The following TMEM200C variants were observed in gnomAD, a reference collection of about 807,000 sequenced individuals.
The protein encoded by TMEM200C is transmembrane protein TTMA.
For missense variants in TMEM200C, 966 were observed against 699.9 expected (o/e 1.38, Z -4.29); for synonymous variants, 462 against 324.7 (o/e 1.42, Z -4.55).
rs1469356877 is a variant in TMEM200C at position 5,891,035 on chromosome 18, G to A, written c.1029C>T (p.Ala343=). 1 of 556,400 alleles carries A rather than the reference G, an allele frequency of 1.8e-6. No homozygotes were observed. The highest frequency in any genetic ancestry group is 3.1e-6 in the Non-Finnish European group (1 of 321,144). The allele number at this position is 556,400 out of a possible 1,614,324, so 34.5% of individuals were successfully genotyped here. A position where few individuals can be genotyped will look rare whatever the true frequency, so the allele number is the denominator to read the frequency against. Residue 343 remains alanine (A), a synonymous_variant, in exon 3 of 3, where the codon GCC becomes GCT. Transcript: ENST00000581347. The surrounding 1 kb of genome is among the most constrained non-coding windows in gnomAD (Gnocchi z 4.7). Reference sequence around the variant, plus strand: ...TGCTGCAGCTGCTAGCGGCTGCGGCGGCGGTGGCAGCGGCGGCCCGGCGAC... The same window carrying A: ...TGCTGCAGCTGCTAGCGGCTGCGGCAGCGGTGGCAGCGGCGGCCCGGCGAC...
chr18:5,890,594 C>T (rs765902997), exon 3 of TMEM200C: 3 of 1,047,554 alleles, frequency 2.9e-6, no homozygotes, highest in South Asian at 6.1e-5. Flanking sequence ...CCGCACTCCC[C>T]GGGGAGGGCG....
At chr18:5,888,004 A>T (rs1390335786) in exon 3 of TMEM200C, 1 of 152,208 alleles carries the variant, frequency 6.6e-6, no homozygotes, top group Admixed American at 6.5e-5. Context: ...TATTAGCTTT[A>T]TTATTTGCTA....
chr18:5,888,624 A>G (rs1010784708), exon 3 of TMEM200C: 30 of 152,188 alleles, frequency 2.0e-4, no homozygotes, highest in African/African-American at 7.2e-4. Context: ...GACTTTCTTG[A>G]GCTCAAGTTC....
At chr18:5,893,128 A>G (rs2095172826) in intron 2 of TMEM200C, among the ~76,000 whole-genome samples, 1 of 152,214 alleles carries the variant, frequency 6.6e-6, no homozygotes, top group South Asian at 2.1e-4. Flanking sequence ...CAATTAAAAA[A>G]ACTAACACTC....
chr18:5,885,171 CCTAT>C (rs1179250574), exon 3 of TMEM200C: 6 of 152,162 alleles, frequency 3.9e-5, no homozygotes, highest in Non-Finnish European at 5.9e-5. Flanking sequence ...GTGATTCTGG[CCTAT>C]CTTTTTTTTT....
chr18:5,890,484 G>T lies in TMEM200C; in HGVS notation c.1580C>A (p.Ser527Ter), dbSNP rs866868014. The T allele has an allele frequency of 6.4e-7, 1 of 1,553,414 alleles. No homozygotes were observed. Among genetic ancestry groups the T allele is most frequent in the Non-Finnish European group, 8.7e-7 (1 of 1,148,578 alleles). ...CTTATTGCTGCTGGATGGGTCATCC[G>T]ACTGGGAGCTCCCGGAGTCCCGCCT... The change falls in exon 3 of 3, where the codon TCG becomes TAG. Residue 527 changes from serine (S) to a stop codon, truncating the protein, a stop_gained. Transcript: ENST00000581347. LOFTEE classifies it low-confidence loss of function (END_TRUNC).
exon 3 of TMEM200C, chr18:5,890,068 C>A: frequency 1.2e-6 from 1 of 853,020 alleles, no homozygotes; most frequent in Non-Finnish European, 1.6e-6. Flanking sequence ...GGATAACATT[C>A]TGCAGCTCTT....
chr18:5,890,423 G>A (rs1408444188), exon 3 of TMEM200C: 2 of 1,573,488 alleles, frequency 1.3e-6, no homozygotes, highest in African/African-American at 1.3e-5. Context: ...AGACCGACTC[G>A]GTGGAGGTGC....
exon 3 of TMEM200C, chr18:5,885,626 G>A (rs913217057): frequency 3.3e-5 from 5 of 152,170 alleles, no homozygotes; most frequent in Non-Finnish European, 5.9e-5. Flanking sequence ...ATAGATGAAC[G>A]GATGGCATAC....
At position 5,891,830 on chromosome 18, in the gene TMEM200C, G is replaced by T. The variant is rs750887450; in HGVS notation, c.234C>A (p.Ala78=). ...TACCCCCCTCCCGATTGGTCCCGGTGGCCTTGGGCCAGTAGCCCACCACCG... is the reference window on the plus strand; with the variant it reads ...TACCCCCCTCCCGATTGGTCCCGGTTGCCTTGGGCCAGTAGCCCACCACCG... The change falls in exon 3 of 3, where the codon GCC becomes GCA. Residue 78 remains alanine (A), a synonymous_variant. Transcript: ENST00000581347. This position sits in a 1 kb window ranked among gnomAD's most constrained non-coding sequence, Gnocchi z 4.7. 2.5e-6 allele frequency: 4 copies of T among 1,606,300 alleles called. No individual in the cohort carries two copies. The African/African-American group carries it at 5.3e-5, about 21-fold the overall frequency.
chr18:5,890,888 C>T (rs1233369767), exon 3 of TMEM200C: 2 of 682,638 alleles, frequency 2.9e-6, no homozygotes, highest in Non-Finnish European at 5.3e-6. Context: ...CCTCCGCGTC[C>T]CCGCCCCTAT....
At chr18:5,885,419 T>C (rs1286506782) in exon 3 of TMEM200C, 1 of 152,224 alleles carries the variant, frequency 6.6e-6, no homozygotes, top group Non-Finnish European at 1.5e-5. Flanking sequence ...GTCCATGTCA[T>C]AGCTGGCATT....
exon 3 of TMEM200C, chr18:5,890,149 G>T: frequency 6.8e-7 from 1 of 1,479,916 alleles, no homozygotes. Context: ...TGATTCAAGT[G>T]GGCGTTTCTC....
chr18:5,892,794 T>G (rs1213603982), intron 2 of TMEM200C, among the ~76,000 whole-genome samples: 1 of 152,204 alleles, frequency 6.6e-6, no homozygotes. Flanking sequence ...AGTTCACCAC[T>G]GGGGAAGCAG....
At chr18:5,895,075 C>A (rs112367039) in exon 2 of TMEM200C, 16,262 of 152,208 alleles carry the variant, frequency 0.11, 1,188 homozygotes, top group Middle Eastern at 0.2. Flanking sequence ...GGCGCTCGGG[C>A]GACACAAAGG....
chr18:5,891,427 G>T lies in TMEM200C; in HGVS notation c.637C>A (p.Leu213Ile). The T allele has an allele frequency of 6.5e-7, 1 of 1,547,954 alleles. No homozygotes were observed. Among genetic ancestry groups the T allele is most frequent in the Non-Finnish European group, 8.7e-7 (1 of 1,146,134 alleles). The change falls in exon 3 of 3, where the codon CTC (leucine) becomes ATC (isoleucine). Residue 213 changes from leucine to isoleucine, a missense_variant. Coordinates refer to ENST00000581347, the Ensembl canonical transcript of TMEM200C. This position sits in a 1 kb window ranked among gnomAD's most constrained non-coding sequence, Gnocchi z 4.7. ...GCGGCCGCCAGGTCTTTGGCGCGGA[G>T]GCTGTGCACGTCGATGACGGTGGAG...
chr18:5,890,336 C>T, exon 3 of TMEM200C: 1 of 1,603,828 alleles, frequency 6.2e-7, no homozygotes, highest in South Asian at 1.1e-5. Context: ...GGCTGGCACC[C>T]TCCGGCGAGC....
chr18:5,894,836 A>T (rs932352112), intron 2 of TMEM200C, among the ~76,000 whole-genome samples, 194 bp downstream of exon 1: 3 of 152,230 alleles, frequency 2.0e-5, no homozygotes, highest in African/African-American at 7.2e-5. Context: ...GAGCCAAGTG[A>T]GGGCAATCCT....
At chr18:5,892,099 T>C in exon 3 of TMEM200C, 1 of 1,581,204 alleles carries the variant, frequency 6.3e-7, no homozygotes, top group East Asian at 2.2e-5. Context: ...GCCTCTGGGA[T>C]GGAGGCTTGC....
Sources: gnomAD v4.1 joint callset for allele counts (sites outside exome capture counted in the v4.1 genomes callset) on GRCh38, gnomAD v4.1.1 for gene constraint, Gnocchi (gnomAD v3.1) non-coding constraint, MANE v1.5 for transcripts, NCBI Gene and HGNC (gene_info 2026-07-23, HGNC 2026-07-21) for gene names.